Variants in GALNTL6 observed in about 807,000 individuals in gnomAD.
GALNTL6 encodes polypeptide N-acetylgalactosaminyltransferase like 6.
GALNTL6 carries 46 observed loss-of-function variants against 73.7 expected under a neutral mutation model. That is an observed-to-expected ratio of 0.62 (90% CI 0.49 to 0.80). GALNTL6 has a LOEUF of 0.80. Among genes scored for constraint, GALNTL6 ranks in the 30% least tolerant of loss-of-function variants. The pLI is 0.00. For missense variants in GALNTL6, 604 were observed against 755.0 expected, an observed-to-expected ratio of 0.80 and a Z score of 2.34; for synonymous variants, 259 against 263.7, an observed-to-expected ratio of 0.98 and a Z score of 0.17.
At chr4:172,592,757 G>A (rs10434280) in intron 5 of GALNTL6, among the ~76,000 whole-genome samples, 80,774 of 151,336 alleles carry the variant, frequency 0.53, 22,132 homozygotes, top group East Asian at 0.77. Context: ...TCTCATGCCA[G>A]TTTTCACCTC....
intron 5 of GALNTL6, among the ~76,000 whole-genome samples, chr4:172,575,267 T>A (rs1736918221): frequency 6.6e-6 from 1 of 152,220 alleles, no homozygotes; most frequent in African/African-American, 2.4e-5. Context: ...TTTAGGGAAT[T>A]TTCCTTACTG....
At chr4:172,337,699 T>G (rs1295710117) in intron 4 of GALNTL6, among the ~76,000 whole-genome samples, 1 of 135,550 alleles carries the variant, frequency 7.4e-6, no homozygotes, top group East Asian at 2.2e-4. Flanking sequence ...TAAGGTTTTT[T>G]GTTTTTTTTT....
intron 5 of GALNTL6, among the ~76,000 whole-genome samples, chr4:172,749,089 T>TTG (rs1737278234): frequency 1.4e-5 from 2 of 140,924 alleles, no homozygotes; most frequent in East Asian, 4.4e-4. Context: ...GTTGTTGTTG[T>TTG]TTGTTTTTTT....
At chr4:172,688,884 T>C (rs1733091521) in intron 5 of GALNTL6, among the ~76,000 whole-genome samples, 1 of 152,164 alleles carries the variant, frequency 6.6e-6, no homozygotes, top group Non-Finnish European at 1.5e-5. Context: ...GTGTCTTGTT[T>C]ACCTGCCAAA....
chr4:172,399,630 T>G (rs905421736), intron 5 of GALNTL6, among the ~76,000 whole-genome samples: 1 of 152,104 alleles, frequency 6.6e-6, no homozygotes, highest in African/African-American at 2.4e-5. Context: ...TAAATATTAT[T>G]TCTTATCTAT....
chr4:171,987,948 G>A (rs1000360434), intron 2 of GALNTL6, among the ~76,000 whole-genome samples: 3 of 152,090 alleles, frequency 2.0e-5, no homozygotes, highest in Admixed American at 1.3e-4. Context: ...GGTAATTATG[G>A]GACTTAACAA....
At chr4:173,006,531 A>G (rs1423335913) in intron 10 of GALNTL6, among the ~76,000 whole-genome samples, 1 of 152,208 alleles carries the variant, frequency 6.6e-6, no homozygotes, top group Non-Finnish European at 1.5e-5. Context: ...ACATCAGGAA[A>G]TTGATTTTAC....
chr4:172,107,152 C>T (rs1732697915), intron 2 of GALNTL6, among the ~76,000 whole-genome samples: 1 of 152,166 alleles, frequency 6.6e-6, no homozygotes, highest in Non-Finnish European at 1.5e-5. Context: ...GGATTACAGG[C>T]ATGAGCCACT....
chr4:172,738,715 G>T (rs62330822), intron 5 of GALNTL6, among the ~76,000 whole-genome samples: 4,448 of 152,242 alleles, frequency 0.029, 93 homozygotes, highest in Middle Eastern at 0.044. Context: ...CGTGCCCAAG[G>T]TGGTTGGGGC....
At chr4:172,605,744 G>A (rs1738230946) in intron 5 of GALNTL6, among the ~76,000 whole-genome samples, 1 of 151,982 alleles carries the variant, frequency 6.6e-6, no homozygotes, top group East Asian at 1.9e-4. Context: ...ATAAAATCTG[G>A]GTTCTTATCT....
intron 2 of GALNTL6, among the ~76,000 whole-genome samples, chr4:172,207,247 A>T (rs1477606690): frequency 6.6e-6 from 1 of 152,170 alleles, no homozygotes; most frequent in Non-Finnish European, 1.5e-5. Flanking sequence ...AATTCATTAA[A>T]TATGTTCAAG....
chr4:171,968,160 T>C (rs574385310), intron 2 of GALNTL6, among the ~76,000 whole-genome samples: 5 of 152,312 alleles, frequency 3.3e-5, no homozygotes, highest in African/African-American at 1.2e-4. Context: ...TTTTTTTTAA[T>C]GCCGGAATGC....
At chr4:172,639,912 T>G (rs1242092207) in intron 5 of GALNTL6, among the ~76,000 whole-genome samples, 1 of 152,148 alleles carries the variant, frequency 6.6e-6, no homozygotes, top group African/African-American at 2.4e-5. Flanking sequence ...ATCAAAGTTT[T>G]CTCTATATTA....
At chr4:172,477,483 A>G (rs1022657139) in intron 5 of GALNTL6, among the ~76,000 whole-genome samples, 3 of 152,158 alleles carry the variant, frequency 2.0e-5, no homozygotes, top group African/African-American at 7.2e-5. Flanking sequence ...CACATTTGCT[A>G]TGATCTGAAT....
intron 4 of GALNTL6, among the ~76,000 whole-genome samples, chr4:172,340,104 A>G (rs1561034478): frequency 6.6e-6 from 1 of 152,196 alleles, no homozygotes; most frequent in Non-Finnish European, 1.5e-5. Flanking sequence ...AATTTTTCAT[A>G]ATTGCATATA....
chr4:172,296,524 C>A (rs1044935470), intron 3 of GALNTL6, among the ~76,000 whole-genome samples: 3 of 152,104 alleles, frequency 2.0e-5, no homozygotes, highest in African/African-American at 7.2e-5. Flanking sequence ...TCCCCCACCC[C>A]ACAACAGGCC....
At chr4:171,989,976 G>A (rs1216933415) in intron 2 of GALNTL6, among the ~76,000 whole-genome samples, 1 of 152,088 alleles carries the variant, frequency 6.6e-6, no homozygotes, top group Non-Finnish European at 1.5e-5. Flanking sequence ...CAAATTGCTG[G>A]GCAGGTGGGG....
At position 172,437,313 on chromosome 4, in the gene GALNTL6, G is replaced by C. The variant is rs187956170; in HGVS notation, c.553+88624G>C. 5.7e-3 allele frequency among the ~76,000 whole-genome samples: 868 copies of C among 152,182 alleles called. 6 individuals are homozygous for C. The highest frequency in any genetic ancestry group is 0.034 in the South Asian group (162 of 4,822). ...AGGTGAATTCTAAAACATCCACAAT[G>C]ATGGGTTAGCACTTTCTTTGCTCTG... On this transcript the variant is annotated intron_variant, in intron 5 of 12. Transcript: ENST00000506823.
At chr4:172,341,526 A>G (rs1578974353) in intron 4 of GALNTL6, among the ~76,000 whole-genome samples, 1 of 151,996 alleles carries the variant, frequency 6.6e-6, no homozygotes, top group South Asian at 2.1e-4. Context: ...CCCCACCCAA[A>G]TCTCATCTTG....
Sources: gnomAD v4.1 joint callset for allele counts (sites outside exome capture counted in the v4.1 genomes callset) on GRCh38, gnomAD v4.1.1 for gene constraint, MANE v1.5 for transcripts, NCBI Gene and HGNC (gene_info 2026-07-23, HGNC 2026-07-21) for gene names.